ZNF804A: variants seen among roughly 807,000 people sequenced by gnomAD.
ZNF804A encodes the protein zinc finger protein 804A.
A neutral mutation model predicts 16.5 loss-of-function variants in ZNF804A; 2 were observed. That is an observed-to-expected ratio of 0.12 (90% CI 0.05 to 0.38). The LOEUF (loss-of-function observed/expected upper bound fraction) is 0.38. Ranked by LOEUF, ZNF804A falls within the 10% of genes least tolerant of loss-of-function variation. ZNF804A has a pLI of 0.99. For synonymous variants in ZNF804A, 534 were observed against 489.6 expected (o/e 1.09, Z -1.20); for missense variants, 1,473 against 1,390.7 (o/e 1.06, Z -0.94).
intron 1 of ZNF804A, among the ~76,000 whole-genome samples, chr2:184,703,689 CAAAAAAAAAA>C (rs10593157): frequency 1.8e-5 from 1 of 56,458 alleles, no homozygotes; most frequent in African/African-American, 7.2e-5. Context: ...GACTCCGGTT[CAAAAAAAAAA>C]AAAAAAAAAA....
At chr2:184,827,622 T>A (rs1368574738) in intron 1 of ZNF804A, among the ~76,000 whole-genome samples, 1 of 151,008 alleles carries the variant, frequency 6.6e-6, no homozygotes, top group Non-Finnish European at 1.5e-5. Flanking sequence ...AAGCAATAAG[T>A]AGATTACTTT....
chr2:184,919,522 T>G (rs1275920684), intron 2 of ZNF804A, among the ~76,000 whole-genome samples: 2 of 152,210 alleles, frequency 1.3e-5, no homozygotes, highest in Non-Finnish European at 2.9e-5. Flanking sequence ...ATTAAAATTC[T>G]TCTCTGCTGA....
chr2:184,814,772 T>C (rs1226563556), intron 1 of ZNF804A, among the ~76,000 whole-genome samples: 1 of 152,038 alleles, frequency 6.6e-6, no homozygotes. Context: ...ATTTGACATA[T>C]GTAAATGAGA....
chr2:184,690,979 T>A (rs1692716597), intron 1 of ZNF804A, among the ~76,000 whole-genome samples: 1 of 152,004 alleles, frequency 6.6e-6, no homozygotes, highest in Admixed American at 6.6e-5. Flanking sequence ...AAATTCACAA[T>A]AATTTGTTAC....
chr2:184,696,928 A>T (rs960557135), intron 1 of ZNF804A, among the ~76,000 whole-genome samples: 4 of 152,010 alleles, frequency 2.6e-5, no homozygotes, highest in Non-Finnish European at 4.4e-5. Context: ...AACGAAAAAA[A>T]ATCACCCAGA....
intron 1 of ZNF804A, among the ~76,000 whole-genome samples, chr2:184,788,754 G>T (rs1334221191): frequency 6.6e-6 from 1 of 151,916 alleles, no homozygotes; most frequent in Non-Finnish European, 1.5e-5. Flanking sequence ...GAGTTTTCTA[G>T]TATAAGATTA....
chr2:184,772,265 CAAA>C (rs71403989), intron 1 of ZNF804A, among the ~76,000 whole-genome samples: 3 of 132,132 alleles, frequency 2.3e-5, no homozygotes, highest in African/African-American at 2.7e-5. Flanking sequence ...TCCCCTTGAC[CAAA>C]AAAAAAAAAA....
At chr2:184,853,509 T>G (rs1403562431) in intron 1 of ZNF804A, among the ~76,000 whole-genome samples, 1 of 151,888 alleles carries the variant, frequency 6.6e-6, no homozygotes, top group Non-Finnish European at 1.5e-5. Flanking sequence ...TTTTTACCAT[T>G]GAGTATGATG....
chr2:184,818,011 C>T (rs903441574), intron 1 of ZNF804A, among the ~76,000 whole-genome samples: 54 of 152,056 alleles, frequency 3.6e-4, no homozygotes, highest in Admixed American at 3.4e-3. Flanking sequence ...AGACCTTCCT[C>T]GAACTAGCAA....
intron 1 of ZNF804A, among the ~76,000 whole-genome samples, chr2:184,864,246 G>A (rs1352050934): frequency 1.3e-5 from 2 of 152,120 alleles, no homozygotes; most frequent in Admixed American, 1.3e-4. Flanking sequence ...ACAAGAGGAA[G>A]CAAGAGAGAG....
At chr2:184,798,006 A>G (rs975519229) in intron 1 of ZNF804A, among the ~76,000 whole-genome samples, 173 of 133,334 alleles carry the variant, frequency 1.3e-3, no homozygotes, top group Middle Eastern at 3.7e-3. Context: ...TGGCTGATAT[A>G]TGTGTGTGTG....
chr2:184,772,063 T>C (rs1327564951), intron 1 of ZNF804A, among the ~76,000 whole-genome samples: 3 of 152,060 alleles, frequency 2.0e-5, no homozygotes, highest in Non-Finnish European at 4.4e-5. Flanking sequence ...CTGTCCATTA[T>C]AATGTTAATG....
chr2:184,718,971 T>C (rs1693255919), intron 1 of ZNF804A, among the ~76,000 whole-genome samples: 1 of 152,138 alleles, frequency 6.6e-6, no homozygotes, highest in South Asian at 2.1e-4. Flanking sequence ...TACCTTGCCC[T>C]TCCCCCACAC....
At position 184,736,668 on chromosome 2, in the gene ZNF804A, A is replaced by G. The variant is rs368900563; in HGVS notation, c.112-129701A>G. 6.6e-5 allele frequency among the ~76,000 whole-genome samples: 10 copies of G among 152,068 alleles called. No homozygotes were observed. In the East Asian group the frequency reaches 1.7e-3, roughly 27 times the overall value. ...CGGCACACGTATACCTATGTAAGAA[A>G]CCTGCACGTTCTGCACATGTATCCC... On this transcript the variant is annotated intron_variant, in intron 1 of 3. Coordinates refer to ENST00000302277, the MANE Select transcript of ZNF804A (RefSeq NM_194250.2).
chr2:184,767,132 T>C (rs1694140296), intron 1 of ZNF804A, among the ~76,000 whole-genome samples: 2 of 152,148 alleles, frequency 1.3e-5, no homozygotes, highest in African/African-American at 4.8e-5. Flanking sequence ...GAGGAATACA[T>C]TTCTGTTGTT....
At chr2:184,881,447 C>T (rs1309807689) in intron 2 of ZNF804A, among the ~76,000 whole-genome samples, 1 of 151,832 alleles carries the variant, frequency 6.6e-6, no homozygotes, top group Non-Finnish European at 1.5e-5. Context: ...AGAAAACAAT[C>T]TGCAAGACAC....
In ZNF804A at chr2:184,937,448, T is replaced by A; in HGVS notation, c.2052T>A (p.Tyr684Ter). 1.9e-6 allele frequency: 3 copies of A among 1,610,998 alleles called. No homozygotes were observed. The highest frequency in any genetic ancestry group is 2.5e-6 in the Non-Finnish European group (3 of 1,179,010). ...CATGGAATACTGAATACAACACTTA[T>A]GATACTATCAGTTCTAAAAACCACT... ...CKTWNTEYNTYDTISSKNHCK... is the reference protein window; with the variant it reads ...CKTWNTEYNT The change falls in exon 4 of 4, where the codon TAT (tyrosine) becomes TAA (stop). Residue 684 changes from tyrosine (Y) to a stop codon, truncating the protein, a stop_gained. Coordinates refer to ENST00000302277, the MANE Select transcript of ZNF804A (RefSeq NM_194250.2). LOFTEE classifies it low-confidence loss of function (END_TRUNC).
At chr2:184,923,931 G>A (rs1315888015) in intron 2 of ZNF804A, among the ~76,000 whole-genome samples, 1 of 151,738 alleles carries the variant, frequency 6.6e-6, no homozygotes, top group African/African-American at 2.4e-5. Context: ...CCATTTTAAT[G>A]TGTTAATTCA....
chr2:184,784,321 TTATC>T (rs750826410), intron 1 of ZNF804A, among the ~76,000 whole-genome samples: 29 of 152,044 alleles, frequency 1.9e-4, no homozygotes, highest in Non-Finnish European at 3.2e-4. Context: ...AGATGTATAT[TTATC>T]TATCTATTAA....
Sources: allele counts gnomAD v4.1 joint callset (sites outside exome capture counted in the v4.1 genomes callset), GRCh38; gene constraint gnomAD v4.1.1; transcripts MANE v1.5; gene names NCBI Gene and HGNC (gene_info 2026-07-23, HGNC 2026-07-21).